Variants in RIMS1 observed in about 807,000 individuals in gnomAD.
The protein encoded by RIMS1 is regulating synaptic membrane exocytosis protein 1.
In RIMS1, 83 loss-of-function variants were observed where a neutral mutation model predicts 214.1. That is an observed-to-expected ratio of 0.39 (90% CI 0.32 to 0.47). RIMS1 has a LOEUF of 0.47. RIMS1 is among the 20% of genes least tolerant of loss of function. RIMS1 has a pLI of 0.99. For synonymous variants in RIMS1, 793 were observed against 786.8 expected (o/e 1.01, Z -0.13); for missense variants, 2,050 against 2,161.8 (o/e 0.95, Z 1.03).
At chr6:71,891,622 G>A (rs998501537) in intron 1 of RIMS1, among the ~76,000 whole-genome samples, 1 of 152,162 alleles carries the variant, frequency 6.6e-6, no homozygotes, top group Non-Finnish European at 1.5e-5. Flanking sequence ...TGAGGGGGAT[G>A]AGGATAGCGT....
chr6:71,925,288 A>G (rs1781271750), intron 1 of RIMS1, among the ~76,000 whole-genome samples: 2 of 152,178 alleles, frequency 1.3e-5, no homozygotes, highest in African/African-American at 2.4e-5. Context: ...TAGCTGCAAT[A>G]TAGTGAAATC....
intron 29 of RIMS1, among the ~76,000 whole-genome samples, chr6:72,382,694 C>T (rs1595895261): frequency 6.6e-6 from 1 of 152,296 alleles, no homozygotes; most frequent in East Asian, 1.9e-4. Context: ...TCTTCAATCA[C>T]CATTAAATTA....
At chr6:71,956,780 C>T (rs1011612095) in intron 1 of RIMS1, among the ~76,000 whole-genome samples, 2 of 152,054 alleles carry the variant, frequency 1.3e-5, no homozygotes, top group African/African-American at 4.8e-5. Flanking sequence ...GGAAAGGACT[C>T]GTTTCATCTC....
Position 72,148,663 on chromosome 6 carries a change from G to A in RIMS1, c.472-30912G>A, listed in dbSNP as rs960480319. On this transcript the variant is annotated intron_variant, in intron 4 of 33. Coordinates refer to ENST00000521978, the MANE Select transcript of RIMS1 (RefSeq NM_014989.7). ...GGAATTAGTTATGCTTAACTATGTTGTGCCCCTAGACTTGTGCTGTCACTA... is the reference window on the plus strand; with the variant it reads ...GGAATTAGTTATGCTTAACTATGTTATGCCCCTAGACTTGTGCTGTCACTA... The A allele has an allele frequency of 1.1e-5, 5 of 455,768 alleles. No homozygotes were observed. In the Admixed American group the frequency reaches 1.2e-4, roughly 11 times the overall value. 28.2% of individuals were successfully genotyped at this position (455,768 alleles called of 1,614,324 possible).
chr6:72,240,630 CTT>C (rs11344285), intron 9 of RIMS1, among the ~76,000 whole-genome samples: 3,945 of 82,544 alleles, frequency 0.048, 58 homozygotes, highest in Middle Eastern at 0.11. Context: ...TTTCTTTTTT[CTT>C]TTTTTTTTTT....
intron 23 of RIMS1, among the ~76,000 whole-genome samples, chr6:72,275,246 C>T (rs1294504707): frequency 6.8e-6 from 1 of 148,012 alleles, no homozygotes; most frequent in East Asian, 2.0e-4. Context: ...AGATGCTTCT[C>T]TTCTGGTTCA....
At chr6:71,964,982 A>G (rs1794027727) in intron 1 of RIMS1, among the ~76,000 whole-genome samples, 1 of 152,160 alleles carries the variant, frequency 6.6e-6, no homozygotes. Context: ...AGAAAATTGT[A>G]TATTTGAAAA....
chr6:72,048,288 A>G (rs1032218917), intron 2 of RIMS1, among the ~76,000 whole-genome samples: 2 of 152,208 alleles, frequency 1.3e-5, no homozygotes, highest in South Asian at 2.1e-4. Context: ...TTTAAAAATT[A>G]TCAGCTTCAT....
At chr6:72,259,394 T>C (rs981869776) in intron 18 of RIMS1, among the ~76,000 whole-genome samples, 1 of 152,176 alleles carries the variant, frequency 6.6e-6, no homozygotes, top group Non-Finnish European at 1.5e-5. Flanking sequence ...ACCTAAATTA[T>C]AGAAGGGAGT....
chr6:72,287,612 T>C (rs1015007449), intron 24 of RIMS1, among the ~76,000 whole-genome samples: 1 of 151,428 alleles, frequency 6.6e-6, no homozygotes, highest in Admixed American at 6.6e-5. Context: ...TTTTTTTTTT[T>C]GGAGATGGAG....
chr6:72,279,493 A>G lies in RIMS1; in HGVS notation c.3483-4554A>G, dbSNP rs368335147. ...ATCACACAACTATTAAGTTGTGAAT[A>G]AAGGGAGAAAAACTCAAGATTTCTG... On this transcript the variant is annotated intron_variant, in intron 23 of 33. Transcript: ENST00000521978. Among the ~76,000 whole-genome samples, 5 of 152,202 alleles carry G rather than the reference A, an allele frequency of 3.3e-5. No homozygotes were observed. In the South Asian group the frequency reaches 6.2e-4, roughly 19 times the overall value.
Position 72,156,920 on chromosome 6 carries a change from C to A in RIMS1, c.472-22655C>A, listed in dbSNP as rs1269502869. ...CATGAATGCAAGACTACCAGATAAT[C>A]CAAGATGTAATCATGTATAGGTATC... On this transcript the variant is annotated intron_variant, in intron 4 of 33. Coordinates refer to ENST00000521978, the MANE Select transcript of RIMS1 (RefSeq NM_014989.7). 2.1e-5 allele frequency among the ~76,000 whole-genome samples: 3 copies of A among 140,284 alleles called. 1 individual carries two copies. The Admixed American group carries it at 2.2e-4, about 10-fold the overall frequency. 92.0% of individuals were successfully genotyped at this position (140,284 alleles called of 152,430 possible).
rs770557500 is a variant in RIMS1, at chr6:72,265,467, C to T, written c.3272C>T (p.Ser1091Leu). Residue 1091 changes from serine (S) to leucine (L), a missense_variant, in exon 21 of 34, where the codon TCA (serine) becomes TTA (leucine). By Grantham distance (145) the Ser-to-Leu change is moderately radical (BLOSUM62 -2). Transcript: ENST00000521978. ...DISLHHECFN[S>L]TVLRFTDEIL... ...TCCCTTCATCATGAATGCTTTAACT[C>T]AACAGTATTGAGATTTACTGATGAA... 1.9e-5 allele frequency: 30 copies of T among 1,604,738 alleles called. No homozygotes were observed. The Middle Eastern group carries it at 5.0e-4, about 27-fold the overall frequency.
chr6:72,182,630 G>A lies in RIMS1; in HGVS notation c.1159G>A (p.Glu387Lys), dbSNP rs1310186803. The A allele has an allele frequency of 2.6e-6, 4 of 1,544,476 alleles. No homozygotes were observed. The highest frequency in any genetic ancestry group is 2.0e-5 in the Admixed American group (1 of 50,826). The part of the protein sequence containing the change: ...MHARVSRARH[E>K]RRHSDVALPR... ...CGCCCGGGTGTCCCGCGCCAGGCAC[G>A]AGCGGCGCCACAGCGACGTGGCGCT... Residue 387 changes from glutamate to lysine, a missense_variant, in exon 6 of 34, where the codon GAG becomes AAG. Glu to Lys is a moderately conservative substitution (Grantham distance 56, BLOSUM62 1). Transcript: ENST00000521978.
intron 4 of RIMS1, among the ~76,000 whole-genome samples, chr6:72,122,221 T>TC (rs2038524421): frequency 1.3e-5 from 2 of 150,160 alleles, no homozygotes; most frequent in South Asian, 2.1e-4. Flanking sequence ...TTTTTTTTTT[T>TC]TGAGATGGAG....
intron 4 of RIMS1, among the ~76,000 whole-genome samples, chr6:72,165,618 G>C (rs1187588195): frequency 6.6e-6 from 1 of 152,060 alleles, no homozygotes; most frequent in Non-Finnish European, 1.5e-5. Flanking sequence ...TTTATGTCCT[G>C]TTACCCACTG....
intron 1 of RIMS1, among the ~76,000 whole-genome samples, chr6:71,888,771 G>T (rs942145792): frequency 2.0e-5 from 3 of 152,208 alleles, no homozygotes; most frequent in Non-Finnish European, 2.9e-5. Context: ...AGCTGGCCTG[G>T]TTCTATAAAG....
intron 2 of RIMS1, among the ~76,000 whole-genome samples, chr6:72,046,042 A>G (rs1822924476): frequency 6.6e-6 from 1 of 152,096 alleles, no homozygotes; most frequent in African/African-American, 2.4e-5. Flanking sequence ...CTTTTAAAAA[A>G]TTATCACTGC....
chr6:72,343,805 G>T (rs2097177204), intron 29 of RIMS1, among the ~76,000 whole-genome samples: 1 of 151,526 alleles, frequency 6.6e-6, no homozygotes, highest in South Asian at 2.1e-4. Context: ...GTATTCTAAG[G>T]TGTTTTAGGT....
Sources: gnomAD v4.1 joint callset for allele counts (sites outside exome capture counted in the v4.1 genomes callset) on GRCh38, gnomAD v4.1.1 for gene constraint, MANE v1.5 for transcripts, NCBI Gene and HGNC (gene_info 2026-07-23, HGNC 2026-07-21) for gene names.